Variants in ARHGEF9 observed in about 807,000 individuals in gnomAD.
ARHGEF9 encodes rho guanine nucleotide exchange factor 9.
Under a neutral mutation model 41.3 loss-of-function variants are expected in ARHGEF9, and 2 were observed. The observed-to-expected ratio is 0.05, with a 90% CI of 0.02 to 0.15. The LOEUF (loss-of-function observed/expected upper bound fraction) is 0.15, where lower values mean the gene tolerates loss of function less well. Ranked by LOEUF, ARHGEF9 falls within the 10% of genes least tolerant of loss-of-function variation. ARHGEF9 has a pLI of 1.00. For missense variants in ARHGEF9, 225 were observed against 424.7 expected (o/e 0.53, Z 4.13); for synonymous variants, 160 against 154.4 (o/e 1.04, Z -0.27).
chrX:63,716,068 C>T (rs551961942), intron 2 of ARHGEF9: 1 of 111,768 alleles, frequency 8.9e-6, no homozygotes. Context: ...AGGTGGATTG[C>T]TTGAGTCTAG....
In ARHGEF9 at chrX:63,665,976, A is replaced by C; in HGVS notation, c.987T>G (p.Thr329=). The C allele has an allele frequency of 8.3e-7, 1 of 1,209,867 alleles. No individual in the cohort carries two copies. The highest frequency in any genetic ancestry group is 1.1e-6 in the Non-Finnish European group (1 of 895,172). Residue 329 remains threonine (T), a synonymous_variant, in exon 7 of 10, where the codon ACT becomes ACG. Coordinates refer to ENST00000671741, the MANE Select transcript of ARHGEF9 (RefSeq NM_001353921.2). ...ILDRSSELIY[T]GEMAWIYQPY... is the part of the protein sequence containing the mutation. Reference sequence around the variant, plus strand: ...GCTGGTAGATCCAGGCCATCTCCCCAGTGTAGATCAGCTCCGAGCTCCTGT... The same window carrying C: ...GCTGGTAGATCCAGGCCATCTCCCCCGTGTAGATCAGCTCCGAGCTCCTGT...
intron 1 of ARHGEF9, among the ~76,000 whole-genome samples, chrX:63,753,209 G>A (rs781857210): frequency 1.8e-5 from 2 of 111,778 alleles, no homozygotes; most frequent in Non-Finnish European, 3.8e-5. Flanking sequence ...CTGGAATGTT[G>A]CTTCCAGCTC....
At chrX:63,648,409 T>C (rs1165115152) in intron 8 of ARHGEF9, among the ~76,000 whole-genome samples, 3 of 111,133 alleles carry the variant, frequency 2.7e-5, no homozygotes, top group Non-Finnish European at 5.7e-5. Context: ...CTGAGAGATT[T>C]TGTCACCAGC....
chrX:63,655,319 A>T (rs1272068801), intron 8 of ARHGEF9, among the ~76,000 whole-genome samples, 175 bp downstream of exon 8: 1 of 112,123 alleles, frequency 8.9e-6, no homozygotes, highest in East Asian at 2.8e-4. Flanking sequence ...CCTACCACTG[A>T]CTAATGGAAG....
intron 8 of ARHGEF9, among the ~76,000 whole-genome samples, chrX:63,645,768 G>A (rs1417040898): frequency 1.8e-5 from 2 of 111,793 alleles, no homozygotes; most frequent in Non-Finnish European, 3.8e-5. Flanking sequence ...TGGGTCAAAT[G>A]GGATTTCTAG....
intron 3 of ARHGEF9, among the ~76,000 whole-genome samples, chrX:63,704,075 T>C (rs1202330825): frequency 9.0e-6 from 1 of 111,514 alleles, no homozygotes; most frequent in Non-Finnish European, 1.9e-5. Flanking sequence ...CTGTAAACAA[T>C]AATAACTTTG....
At chrX:63,726,154 C>G (rs1404048172) in intron 1 of ARHGEF9, among the ~76,000 whole-genome samples, 1 of 112,017 alleles carries the variant, frequency 8.9e-6, no homozygotes, top group Non-Finnish European at 1.9e-5. Flanking sequence ...GTGCCTTCCA[C>G]AGAAGGTAAG....
intron 1 of ARHGEF9, among the ~76,000 whole-genome samples, chrX:63,775,150 C>G (rs1476081160): frequency 1.8e-5 from 2 of 112,020 alleles, no homozygotes. Context: ...AGTCAGAATG[C>G]CTATTATTAA....
intron 1 of ARHGEF9, chrX:63,755,216 C>T: frequency 1.1e-6 from 1 of 938,648 alleles, no homozygotes; most frequent in Non-Finnish European, 1.3e-6. Flanking sequence ...ACCCGCCGAC[C>T]AATAACAGAT....
intron 2 of ARHGEF9, among the ~76,000 whole-genome samples, chrX:63,720,327 T>C (rs1346037032): frequency 1.3e-4 from 14 of 111,887 alleles, no homozygotes; most frequent in Middle Eastern, 4.6e-3. Context: ...ATAACAAGAA[T>C]ACGGTCTTGC....
At chrX:63,639,882 G>T (rs1470202728) in intron 9 of ARHGEF9, 1 of 111,770 alleles carries the variant, frequency 8.9e-6, no homozygotes, top group East Asian at 2.8e-4. Context: ...AATATCAAAT[G>T]ATCTCACTCA....
chrX:63,747,803 TTC>T (rs782301174), intron 1 of ARHGEF9, among the ~76,000 whole-genome samples: 12 of 112,604 alleles, frequency 1.1e-4, no homozygotes, highest in Non-Finnish European at 1.7e-4. Flanking sequence ...ACAAAATATA[TTC>T]TGTTTTAAAG....
At chrX:63,712,253 C>T (rs1265260225) in intron 2 of ARHGEF9, among the ~76,000 whole-genome samples, 2 of 111,811 alleles carry the variant, frequency 1.8e-5, no homozygotes, top group Non-Finnish European at 3.8e-5. Context: ...CCATATGATT[C>T]AACAATTCCA....
intron 9 of ARHGEF9, chrX:63,639,476 T>C (rs1448626488): frequency 1.8e-5 from 2 of 111,988 alleles, no homozygotes; most frequent in Admixed American, 9.5e-5. Flanking sequence ...GGTAACATTT[T>C]GCAAAACAAT....
At chrX:63,749,542 C>T (rs1556438336) in intron 1 of ARHGEF9, among the ~76,000 whole-genome samples, 1 of 112,131 alleles carries the variant, frequency 8.9e-6, no homozygotes, top group Non-Finnish European at 1.9e-5. Flanking sequence ...TCCCTCCCTA[C>T]ATTCAACATC....
chrX:63,736,158 G>A (rs781968764), intron 1 of ARHGEF9, among the ~76,000 whole-genome samples: 1 of 111,698 alleles, frequency 9.0e-6, no homozygotes, highest in Non-Finnish European at 1.9e-5. Flanking sequence ...GGGATACAAC[G>A]ACTAAACCTA....
intron 4 of ARHGEF9, among the ~76,000 whole-genome samples, chrX:63,696,446 C>T (rs2051753471): frequency 9.0e-6 from 1 of 111,412 alleles, no homozygotes; most frequent in Non-Finnish European, 1.9e-5. Context: ...CAAAGTAACC[C>T]AGACAGACAC....
chrX:63,740,820 C>T (rs1458242614), intron 1 of ARHGEF9, among the ~76,000 whole-genome samples: 2 of 111,625 alleles, frequency 1.8e-5, no homozygotes, highest in Non-Finnish European at 1.9e-5. Context: ...CCCCAGGACA[C>T]CATGACCTGG....
Position 63,785,103 on chromosome X carries a change from T to C in ARHGEF9, c.30+13A>G. 2 of 1,165,061 alleles carry C rather than the reference T, an allele frequency of 1.7e-6. No homozygotes were observed. Among genetic ancestry groups the C allele is most frequent in the Non-Finnish European group, 2.3e-6 (2 of 871,936 alleles). ...AGGCTCAAGCAAGGGAAGCCAAGGT[T>C]ACATGCACTCACCATTCCCGATCCG... On this transcript the variant is annotated intron_variant, in intron 1 of 9. Transcript: ENST00000671741.
Sources: gnomAD v4.1 joint callset for allele counts (sites outside exome capture counted in the v4.1 genomes callset) on GRCh38, gnomAD v4.1.1 for gene constraint, MANE v1.5 for transcripts, NCBI Gene and HGNC (gene_info 2026-07-23, HGNC 2026-07-21) for gene names.